The following TOGARAM1 variants were observed in gnomAD, a reference collection of about 807,000 sequenced individuals.
TOGARAM1 encodes TOG array regulator of axonemal microtubules 1.
In TOGARAM1, 100 loss-of-function variants were observed where a neutral mutation model predicts 166.6. The ratio of observed to expected loss-of-function variants is 0.60; its 90% CI spans 0.51 to 0.71. TOGARAM1 has a LOEUF of 0.71. TOGARAM1 is among the 30% of genes least tolerant of loss of function. The probability of loss-of-function intolerance (pLI) is 0.00; values close to 1 mark genes in which losing one functional copy is unlikely to be tolerated. For missense variants in TOGARAM1, 2,029 were observed against 2,102.7 expected (o/e 0.96, Z 0.69); for synonymous variants, 758 against 763.8 (o/e 0.99, Z 0.13).
At chr14:45,009,467 A>G (rs1449810180) in intron 6 of TOGARAM1, among the ~76,000 whole-genome samples, 1 of 151,630 alleles carries the variant, frequency 6.6e-6, no homozygotes, top group Non-Finnish European at 1.5e-5. Flanking sequence ...TGGATTATTG[A>G]CTCCTTTGCC....
intron 1 of TOGARAM1, among the ~76,000 whole-genome samples, chr14:44,970,091 T>C (rs1187212922): frequency 6.6e-6 from 1 of 152,220 alleles, no homozygotes; most frequent in East Asian, 1.9e-4. Flanking sequence ...TGCTGAGAGT[T>C]TGATTGGGAT....
At chr14:45,028,353 A>AT (rs749146436) in intron 10 of TOGARAM1, 24 bp downstream of exon 10, 4,930 of 1,448,024 alleles carry the variant, frequency 3.4e-3, no homozygotes, top group Admixed American at 4.4e-3. Context: ...AAGTTTTGGT[A>AT]TTTTTTTTTT....
intron 3 of TOGARAM1, among the ~76,000 whole-genome samples, chr14:45,002,115 C>T (rs1468297698): frequency 2.0e-5 from 3 of 152,106 alleles, no homozygotes; most frequent in African/African-American, 4.8e-5. Context: ...AACATTTTAA[C>T]TACCCTTTTT....
At chr14:45,063,681 T>C (rs1883009523) in intron 16 of TOGARAM1, among the ~76,000 whole-genome samples, 1 of 152,086 alleles carries the variant, frequency 6.6e-6, no homozygotes, top group Admixed American at 6.6e-5. Context: ...GGTTTCACGA[T>C]GTTGGCCAGG....
In TOGARAM1 at chr14:45,045,410, T is replaced by C. The variant is rs1166851159; in HGVS notation, c.4154+540T>C. 4.0e-5 allele frequency among the ~76,000 whole-genome samples: 6 copies of C among 150,808 alleles called. No individual in the cohort carries two copies. The South Asian group carries it at 8.3e-4, about 21-fold the overall frequency. On this transcript the variant is annotated intron_variant, in intron 13 of 19. Transcript: ENST00000361462. ...ATACTCATAACTTAGCTGCCACTTATAGGTGAGAACATATGGTTTTTGGTG... is the reference window on the plus strand; with the variant it reads ...ATACTCATAACTTAGCTGCCACTTACAGGTGAGAACATATGGTTTTTGGTG...
chr14:44,963,820 G>A lies in TOGARAM1; in HGVS notation c.1399G>A (p.Gly467Arg). ...KIFLKLMKEV[G>R]PQQVLCLLLE... ...CTTCCTCAAGCTAATGAAGGAAGTA[G>A]GACCTCAGCAGGTGCTTTGTTTACT... The change falls in exon 1 of 20, where the codon GGA (glycine) becomes AGA (arginine). Residue 467 changes from glycine (G) to arginine (R), a missense_variant. Around this residue, in one of 2 missense-constraint regions of TOGARAM1, gnomAD observed 1,453 missense variants for 1,432.2 expected, o/e 1.01. Coordinates refer to ENST00000361462, the MANE Select transcript of TOGARAM1 (RefSeq NM_001308120.2). The A allele has an allele frequency of 6.2e-7, 1 of 1,614,202 alleles. No homozygotes were observed. The highest frequency in any genetic ancestry group is 8.5e-7 in the Non-Finnish European group (1 of 1,180,030).
rs1415764748 is a variant in TOGARAM1 at position 44,995,891 on chromosome 14, T to C, written c.2192T>C (p.Leu731Ser). The change falls in exon 2 of 20, where the codon TTA becomes TCA. Residue 731 changes from leucine (L) to serine (S), a missense_variant. Physicochemically the swap from Leu to Ser is moderately radical, Grantham distance 145. Transcript: ENST00000361462. ...GATTTTAACCCAGATTGTCTTCCTT[T>C]ATGTGCTGCTGGTAAGTACAAGTTG... ...SRDFNPDCLP[L>S]CAAGTTGTHQ... is the part of the protein sequence containing the mutation. 1 of 1,606,234 alleles carries C rather than the reference T, an allele frequency of 6.2e-7. No individual in the cohort carries two copies. Among genetic ancestry groups the C allele is most frequent in the East Asian group, 2.2e-5 (1 of 44,660 alleles).
intron 5 of TOGARAM1, chr14:45,007,211 ATTTTT>A (rs1879502059): frequency 6.6e-6 from 1 of 152,100 alleles, no homozygotes; most frequent in African/African-American, 2.4e-5. Flanking sequence ...CTGTATATTC[ATTTTT>A]AACATATGTC....
chr14:45,032,754 A>G (rs1881234023), intron 11 of TOGARAM1, among the ~76,000 whole-genome samples: 1 of 152,200 alleles, frequency 6.6e-6, no homozygotes, highest in Non-Finnish European at 1.5e-5. Flanking sequence ...CAGCCCAGCC[A>G]GTAACTCAAG....
chr14:44,980,666 G>A (rs1886480301), intron 1 of TOGARAM1, among the ~76,000 whole-genome samples: 1 of 152,168 alleles, frequency 6.6e-6, no homozygotes, highest in Non-Finnish European at 1.5e-5. Flanking sequence ...TGGCAACAGA[G>A]TGAGACTCGG....
At chr14:44,992,703 C>T (rs1172336668) in intron 1 of TOGARAM1, among the ~76,000 whole-genome samples, 13 of 149,872 alleles carry the variant, frequency 8.7e-5, no homozygotes, top group African/African-American at 3.0e-4. Flanking sequence ...CTGCAAGCTC[C>T]GCCTCCTGGC....
At chr14:45,008,102 A>G (rs1256485612) in intron 5 of TOGARAM1, 1 of 152,206 alleles carries the variant, frequency 6.6e-6, no homozygotes, top group Non-Finnish European at 1.5e-5. Context: ...GAAAACAGAT[A>G]CTTTCATTAA....
rs554642770 is a variant in TOGARAM1, at chr14:45,016,183, C to T, written c.3238+4108C>T. Among the ~76,000 whole-genome samples the T allele has an allele frequency of 9.2e-5, 14 of 152,114 alleles. No individual in the cohort carries two copies. The East Asian group carries it at 2.7e-3, about 29-fold the overall frequency. ...GGCTGAGGTAGGCAGATCACTTGAG[C>T]TCAGGGGTTTGAGACCAGCCTGAGC... On this transcript the variant is annotated intron_variant, in intron 7 of 19. Coordinates refer to ENST00000361462, the MANE Select transcript of TOGARAM1 (RefSeq NM_001308120.2).
At chr14:45,070,910 C>CTGT (rs60368970) in intron 18 of TOGARAM1, among the ~76,000 whole-genome samples, 10,111 of 151,616 alleles carry the variant, frequency 0.067, 831 homozygotes, top group African/African-American at 0.2. Flanking sequence ...TTCCCTTTTT[C>CTGT]TGTTGTTGTT....
intron 1 of TOGARAM1, chr14:44,995,333 G>T (rs539548946): frequency 6.1e-6 from 2 of 329,700 alleles, no homozygotes; most frequent in East Asian, 7.5e-5. Context: ...ATTTGCCTCA[G>T]TAAGAACAGT....
In TOGARAM1 at chr14:45,004,125, T is replaced by C; in HGVS notation, c.2403T>C (p.Thr801=). Residue 801 remains threonine, a synonymous_variant, in exon 4 of 20, where the codon ACT becomes ACC. Transcript: ENST00000361462. ...QQTFGSQTEC[T]SSNGQNPSPG... is the part of the protein sequence containing the mutation. Reference sequence around the variant, plus strand: ...CATTTGGTAGTCAAACAGAGTGTACTTCCTCAAATGGTCAAAATCCAAGTC... The same window carrying C: ...CATTTGGTAGTCAAACAGAGTGTACCTCCTCAAATGGTCAAAATCCAAGTC... 1.2e-6 allele frequency: 2 copies of C among 1,614,164 alleles called. No homozygotes were observed. Among genetic ancestry groups the C allele is most frequent in the Non-Finnish European group, 1.7e-6 (2 of 1,180,018 alleles).
At chr14:44,964,535 T>A in intron 1 of TOGARAM1, 68 bp downstream of exon 1, 1 of 1,484,658 alleles carries the variant, frequency 6.7e-7, no homozygotes, top group Non-Finnish European at 9.0e-7. Context: ...CCGTGATGAC[T>A]TAAGGGTCAG....
In TOGARAM1 at chr14:45,068,644, G is replaced by A. The variant is rs1313365834; in HGVS notation, c.4969+1G>A. The A allele has an allele frequency of 1.9e-6, 3 of 1,568,984 alleles. No individual in the cohort carries two copies. Among genetic ancestry groups the A allele is most frequent in the Admixed American group, 1.9e-5 (1 of 53,152 alleles). On this transcript the variant is annotated splice_donor_variant, in intron 18 of 19. Coordinates refer to ENST00000361462, the MANE Select transcript of TOGARAM1 (RefSeq NM_001308120.2). LOFTEE classifies it high-confidence loss of function. ...GTTCAGGCACTGAGTCAGCATGTAG[G>A]TAAGAAATCTTACTTCGGCACTCAA...
chr14:45,056,570 A>G (rs1230522074), intron 16 of TOGARAM1, among the ~76,000 whole-genome samples: 1 of 152,138 alleles, frequency 6.6e-6, no homozygotes. Flanking sequence ...GATTTTTATC[A>G]TGAAGTGATG....
Sources: allele counts gnomAD v4.1 joint callset (sites outside exome capture counted in the v4.1 genomes callset), GRCh38; gene constraint gnomAD v4.1.1; regional missense constraint gnomAD v4.1.1; transcripts MANE v1.5; gene names NCBI Gene and HGNC (gene_info 2026-07-23, HGNC 2026-07-21).